Variants in CACNA1E observed in about 807,000 individuals in gnomAD.
The protein encoded by CACNA1E is voltage-dependent R-type calcium channel subunit alpha-1E.
Under a neutral mutation model 259.2 loss-of-function variants are expected in CACNA1E, and 40 were observed. The observed-to-expected ratio is 0.15, with a 90% CI of 0.12 to 0.20. The LOEUF is 0.20. CACNA1E is among the 10% of genes least tolerant of loss of function. The pLI is 1.00. For missense variants in CACNA1E, 1,874 were observed against 3,040.1 expected (o/e 0.62, Z 9.02); for synonymous variants, 1,104 against 1,138.5 (o/e 0.97, Z 0.61).
At chr1:181,553,374 G>T (rs772748746) in intron 3 of CACNA1E, among the ~76,000 whole-genome samples, 1 of 152,182 alleles carries the variant, frequency 6.6e-6, no homozygotes, top group African/African-American at 2.4e-5. Context: ...CTTTACTGAA[G>T]TTGCTTATCA....
intron 2 of CACNA1E, among the ~76,000 whole-genome samples, chr1:181,475,079 G>A (rs932815638): frequency 1.3e-5 from 2 of 152,136 alleles, no homozygotes; most frequent in African/African-American, 4.8e-5. Context: ...TTAGGGGAAG[G>A]GTAGCTCCTC....
chr1:181,495,370 C>T (rs2102533112), intron 1 of CACNA1E, among the ~76,000 whole-genome samples: 1 of 152,338 alleles, frequency 6.6e-6, no homozygotes, highest in African/African-American at 2.4e-5. Flanking sequence ...CTTACCCTTG[C>T]AGTGCCTTGG....
chr1:181,602,789 A>G (rs757102430), intron 6 of CACNA1E, among the ~76,000 whole-genome samples: 2 of 152,182 alleles, frequency 1.3e-5, no homozygotes, highest in Non-Finnish European at 2.9e-5. Context: ...TGTCCTTAGT[A>G]TTATTAGGCA....
intron 2 of CACNA1E, among the ~76,000 whole-genome samples, chr1:181,451,240 T>TA (rs1475895464): frequency 7.9e-5 from 12 of 152,218 alleles, no homozygotes; most frequent in Non-Finnish European, 1.6e-4. Flanking sequence ...ATGGAACAGT[T>TA]ACTGTGTGAC....
At position 181,790,502 on chromosome 1, in the gene CACNA1E, G is replaced by A. The variant is rs34741608; in HGVS notation, c.5844G>A (p.Gln1948=). ...CACTCTCTCCCCAGGATATATTCCA[G>A]TTGGCTTGTATGGACCCCGCCGATG... ...MSPLSPQDIF[Q]LACMDPADDG... is the part of the protein sequence containing the mutation. The change falls in exon 44 of 48, where the codon CAG becomes CAA. Residue 1948 remains glutamine (Q), a synonymous_variant. Coordinates refer to ENST00000367573, the MANE Select transcript of CACNA1E (RefSeq NM_001205293.3). 0.011 allele frequency: 17,591 copies of A among 1,613,624 alleles called. 330 individuals carry two copies. The highest frequency in any genetic ancestry group is 0.083 in the African/African-American group (6,186 of 74,972).
At chr1:181,465,366 A>G (rs1408293837) in intron 2 of CACNA1E, among the ~76,000 whole-genome samples, 5 of 152,106 alleles carry the variant, frequency 3.3e-5, no homozygotes, top group Admixed American at 2.0e-4. Context: ...TGGAGGATTT[A>G]TATCTTTCAT....
intron 3 of CACNA1E, among the ~76,000 whole-genome samples, chr1:181,524,198 A>G: frequency 6.6e-6 from 1 of 152,270 alleles, no homozygotes; most frequent in Admixed American, 6.5e-5. Flanking sequence ...AGACTATGAA[A>G]GAGACACTCA....
chr1:181,405,405 C>A (rs1264040203), intron 1 of CACNA1E, among the ~76,000 whole-genome samples: 1 of 152,212 alleles, frequency 6.6e-6, no homozygotes. Context: ...TGGAAGTTAG[C>A]CCCTAGCCCT....
In CACNA1E at chr1:181,766,620, G is replaced by C; in HGVS notation, c.4881+9G>C. 6.2e-7 allele frequency: 1 copy of C among 1,605,362 alleles called. No homozygotes were observed. The highest frequency in any genetic ancestry group is 8.5e-7 in the Non-Finnish European group (1 of 1,172,588). ...CCATCATTGGGATGCAGGTGAGCTG[G>C]TAAATCAAGGGCCCGGTGGGGGACA... On this transcript the variant is annotated intron_variant, in intron 35 of 47. Transcript: ENST00000367573.
At chr1:181,759,395 CTGTGTG>C (rs10677275) in intron 32 of CACNA1E, among the ~76,000 whole-genome samples, 22 of 146,884 alleles carry the variant, frequency 1.5e-4, no homozygotes, top group South Asian at 4.4e-4. Context: ...AGGGGTGTGT[CTGTGTG>C]TGTGTGTGTG....
At chr1:181,679,284 T>C (rs1572575051) in intron 7 of CACNA1E, among the ~76,000 whole-genome samples, 1 of 152,208 alleles carries the variant, frequency 6.6e-6, no homozygotes, top group East Asian at 1.9e-4. Context: ...ATATTACCCA[T>C]GGTGGAATGT....
intron 7 of CACNA1E, among the ~76,000 whole-genome samples, chr1:181,668,236 A>C (rs1394493023): frequency 1.3e-5 from 2 of 152,248 alleles, no homozygotes; most frequent in Non-Finnish European, 2.9e-5. Context: ...AAATGGAATC[A>C]TAGGATAGAA....
At chr1:181,583,555 T>G (rs2102991914) in intron 6 of CACNA1E, among the ~76,000 whole-genome samples, 1 of 152,336 alleles carries the variant, frequency 6.6e-6, no homozygotes, top group African/African-American at 2.4e-5. Flanking sequence ...GTTTAACCTT[T>G]TTATATGCAA....
intron 7 of CACNA1E, among the ~76,000 whole-genome samples, chr1:181,701,987 T>C (rs574023143): frequency 6.6e-6 from 1 of 152,302 alleles, no homozygotes; most frequent in African/African-American, 2.4e-5. Context: ...AGAAAGAGCA[T>C]CTAGGATGGT....
At chr1:181,401,826 C>T (rs1319583367) in intron 1 of CACNA1E, among the ~76,000 whole-genome samples, 1 of 152,214 alleles carries the variant, frequency 6.6e-6, no homozygotes, top group African/African-American at 2.4e-5. Flanking sequence ...TGCCTGCTAG[C>T]AGAGGCCCCT....
Position 181,757,972 on chromosome 1 carries a change from G to A in CACNA1E, c.4355G>A (p.Ser1452Asn), listed in dbSNP as rs1472325169. ...AGGGCGTGCATCGACTTCGCCATCA[G>A]CGCCAAACCTCTCACCCGCTACATG... ...NERACIDFAI[S>N]AKPLTRYMPQ... Residue 1452 changes from serine to asparagine, a missense_variant, in exon 31 of 48, where the codon AGC becomes AAC. Ser to Asn is a conservative substitution (Grantham distance 46). This residue lies in a region of CACNA1E where 188 missense variants were observed against 540.6 expected (regional missense o/e 0.35). Transcript: ENST00000367573. 6.2e-7 allele frequency: 1 copy of A among 1,613,890 alleles called. No homozygotes were observed. Among genetic ancestry groups the A allele is most frequent in the East Asian group, 2.2e-5 (1 of 44,892 alleles).
chr1:181,660,989 G>A (rs1424806637), intron 7 of CACNA1E, among the ~76,000 whole-genome samples: 2 of 152,202 alleles, frequency 1.3e-5, no homozygotes, highest in African/African-American at 4.8e-5. Context: ...AGTCTAGGAA[G>A]AGATAGCAAC....
intron 33 of CACNA1E, 129 bp downstream of exon 33, chr1:181,762,786 A>G: frequency 1.6e-6 from 1 of 638,078 alleles, no homozygotes; most frequent in Non-Finnish European, 2.8e-6. Context: ...TTGGGAATTT[A>G]CTCCCTTGCT....
chr1:181,385,025 T>G (rs1322058591), intron 1 of CACNA1E, among the ~76,000 whole-genome samples: 1 of 152,260 alleles, frequency 6.6e-6, no homozygotes, highest in Admixed American at 6.5e-5. Context: ...GATTTTGCCC[T>G]GATGTCTCTG....
Sources: gnomAD v4.1 joint callset for allele counts (sites outside exome capture counted in the v4.1 genomes callset) on GRCh38, gnomAD v4.1.1 for gene constraint, gnomAD v4.1.1 regional missense constraint, MANE v1.5 for transcripts, NCBI Gene and HGNC (gene_info 2026-07-23, HGNC 2026-07-21) for gene names.